Variants in ATP8B4 observed in about 807,000 individuals in gnomAD.
The protein encoded by ATP8B4 is ATPase phospholipid transporting 8B4 (putative).
In ATP8B4, 133 loss-of-function variants were observed where a neutral mutation model predicts 145.6. The ratio of observed to expected loss-of-function variants is 0.91; its 90% CI spans 0.79 to 1.05. The LOEUF is 1.05. Ranked by LOEUF, ATP8B4 falls within the 50% of genes least tolerant of loss-of-function variation. ATP8B4 has a pLI of 0.00. For missense variants in ATP8B4, 1,458 were observed against 1,425.2 expected, an observed-to-expected ratio of 1.02 and a Z score of -0.37; for synonymous variants, 507 against 492.9, an observed-to-expected ratio of 1.03 and a Z score of -0.38.
chr15:49,977,587 T>C (rs2045781881), intron 12 of ATP8B4, among the ~76,000 whole-genome samples: 1 of 152,096 alleles, frequency 6.6e-6, no homozygotes, highest in African/African-American at 2.4e-5. Flanking sequence ...CTTCATAAGA[T>C]TGTTGGGAAA....
At chr15:50,134,425 A>G (rs7163792) in intron 1 of ATP8B4, among the ~76,000 whole-genome samples, 24,564 of 152,158 alleles carry the variant, frequency 0.16, 2,250 homozygotes, top group Non-Finnish European at 0.21. Flanking sequence ...AGTCCTTGAA[A>G]ATTGGTGTGA....
chr15:49,945,395 G>A (rs142960732), intron 14 of ATP8B4, among the ~76,000 whole-genome samples: 27 of 152,264 alleles, frequency 1.8e-4, no homozygotes, highest in African/African-American at 6.0e-4. Context: ...AAAAGCCCAA[G>A]ACCAGATGGT....
chr15:50,128,129 C>T (rs1417257181), intron 1 of ATP8B4, among the ~76,000 whole-genome samples: 1 of 152,098 alleles, frequency 6.6e-6, no homozygotes, highest in Non-Finnish European at 1.5e-5. Flanking sequence ...TTAATATCAC[C>T]CCAGAAAAGC....
chr15:49,902,230 G>A (rs138438380), intron 20 of ATP8B4: 2 of 152,322 alleles, frequency 1.3e-5, no homozygotes, highest in African/African-American at 4.8e-5. Context: ...AGGAGAACAT[G>A]GAGAGTGAGA....
chr15:49,861,473 TCTACCTACCTAC>T (rs71124313), intron 27 of ATP8B4, among the ~76,000 whole-genome samples: 3 of 135,702 alleles, frequency 2.2e-5, no homozygotes, highest in Non-Finnish European at 3.1e-5. Flanking sequence ...TATCTATCTA[TCTACCTACCTAC>T]CTACCTACCT....
chr15:50,113,532 G>C (rs1177610001), intron 1 of ATP8B4, among the ~76,000 whole-genome samples: 4 of 152,182 alleles, frequency 2.6e-5, no homozygotes, highest in East Asian at 1.9e-4. Context: ...GTACGTATGG[G>C]TGTGTGTAAA....
At chr15:49,883,826 C>A (rs916135109) in intron 23 of ATP8B4, among the ~76,000 whole-genome samples, 5 of 151,802 alleles carry the variant, frequency 3.3e-5, no homozygotes, top group Admixed American at 2.0e-4. Context: ...AAAAGGTTTT[C>A]CAAGTATAGT....
Position 50,159,086 on chromosome 15 carries a change from C to T in ATP8B4, c.-43+23175G>A, listed in dbSNP as rs540153346. Among the ~76,000 whole-genome samples, 117 of 152,226 alleles carry T rather than the reference C, an allele frequency of 7.7e-4. 2 individuals carry two copies. The South Asian group carries it at 0.024, about 31-fold the overall frequency. On this transcript the variant is annotated intron_variant, in intron 1 of 3. Coordinates refer to the ATP8B4 transcript ENST00000558829. ...GCCAAATCCCCCTCTGCGAGAAACACCCAAGAATGATCAATAAAAAAAAAA... is the reference window on the plus strand; with the variant it reads ...GCCAAATCCCCCTCTGCGAGAAACATCCAAGAATGATCAATAAAAAAAAAA...
intron 3 of ATP8B4, among the ~76,000 whole-genome samples, chr15:50,053,210 T>C (rs1226950020): frequency 6.6e-6 from 1 of 152,220 alleles, no homozygotes; most frequent in African/African-American, 2.4e-5. Flanking sequence ...TACTATTATT[T>C]CCTTTCTGTA....
At chr15:50,159,434 C>T (rs1052908069) in intron 1 of ATP8B4, among the ~76,000 whole-genome samples, 15 of 152,156 alleles carry the variant, frequency 9.9e-5, no homozygotes, top group Non-Finnish European at 1.8e-4. Flanking sequence ...ATTATATCAT[C>T]GTAAACAAGT....
chr15:50,074,588 A>C (rs1204746037), intron 2 of ATP8B4, among the ~76,000 whole-genome samples: 1 of 152,198 alleles, frequency 6.6e-6, no homozygotes, highest in African/African-American at 2.4e-5. Flanking sequence ...GCCAAAAATA[A>C]ACCATACAGA....
intron 2 of ATP8B4, among the ~76,000 whole-genome samples, chr15:50,080,293 T>A (rs79725091): frequency 0.019 from 2,959 of 152,302 alleles, 97 homozygotes; most frequent in African/African-American, 0.068. Context: ...GAATACCTCA[T>A]TTATTTTAGG....
intron 1 of ATP8B4, among the ~76,000 whole-genome samples, chr15:50,117,242 G>T (rs1037953450): frequency 6.6e-6 from 1 of 152,034 alleles, no homozygotes; most frequent in African/African-American, 2.4e-5. Context: ...TAGAGAGGGC[G>T]TTTCATCATG....
intron 3 of ATP8B4, among the ~76,000 whole-genome samples, chr15:50,066,163 T>G (rs1399420757): frequency 6.6e-6 from 1 of 152,030 alleles, no homozygotes; most frequent in East Asian, 1.9e-4. Context: ...GAAAATGAAT[T>G]TGAGAGATAT....
chr15:50,053,896 A>T (rs2052378785), intron 3 of ATP8B4, among the ~76,000 whole-genome samples: 1 of 152,244 alleles, frequency 6.6e-6, no homozygotes, highest in African/African-American at 2.4e-5. Flanking sequence ...ATAGAAAATA[A>T]CAAACTCTGC....
intron 25 of ATP8B4, among the ~76,000 whole-genome samples, chr15:49,874,609 A>G (rs2034122989): frequency 6.6e-6 from 1 of 152,184 alleles, no homozygotes; most frequent in South Asian, 2.1e-4. Flanking sequence ...GGTTACTTTG[A>G]GCCTAAGGTG....
intron 14 of ATP8B4, among the ~76,000 whole-genome samples, chr15:49,957,648 C>T (rs990342425): frequency 2.6e-5 from 4 of 151,840 alleles, no homozygotes; most frequent in East Asian, 1.9e-4. Flanking sequence ...TATCAAATGA[C>T]GTTTAAATCA....
intron 1 of ATP8B4, among the ~76,000 whole-genome samples, chr15:50,132,827 G>A (rs1257977912): frequency 6.6e-6 from 1 of 152,156 alleles, no homozygotes; most frequent in Non-Finnish European, 1.5e-5. Context: ...GGATGAAGCT[G>A]GAAGCCATCA....
At chr15:50,151,371 AC>A (rs2044345174) in intron 1 of ATP8B4, among the ~76,000 whole-genome samples, 1 of 152,186 alleles carries the variant, frequency 6.6e-6, no homozygotes, top group Non-Finnish European at 1.5e-5. Flanking sequence ...TTTAGATTTT[AC>A]CTATAGTCTT....
Sources: gnomAD v4.1 joint callset for allele counts (sites outside exome capture counted in the v4.1 genomes callset) on GRCh38, gnomAD v4.1.1 for gene constraint, MANE v1.5 for transcripts, NCBI Gene and HGNC (gene_info 2026-07-23, HGNC 2026-07-21) for gene names.